The following DCC variants were observed in gnomAD, a reference collection of about 807,000 sequenced individuals.
The protein encoded by DCC is DCC netrin 1 receptor.
In DCC, 58 loss-of-function variants were observed where a neutral mutation model predicts 172.5. The observed-to-expected ratio is 0.34, with a 90% CI of 0.27 to 0.42. The LOEUF is 0.42. Ranked by LOEUF, DCC falls within the 10% of genes least tolerant of loss-of-function variation. DCC has a pLI of 1.00. For missense variants in DCC, 1,740 were observed against 1,791.0 expected, an observed-to-expected ratio of 0.97 and a Z score of 0.51; for synonymous variants, 709 against 644.5, an observed-to-expected ratio of 1.10 and a Z score of -1.52.
chr18:53,530,377 AT>A (rs1568190786), intron 28 of DCC, 186 bp from the exon 29 acceptor site: 1 of 704,410 alleles, frequency 1.4e-6, no homozygotes, highest in South Asian at 1.5e-5. Context: ...ACAATATGCA[AT>A]CTCTTATTAT....
chr18:52,825,774 A>G (rs7232655), intron 2 of DCC, among the ~76,000 whole-genome samples: 20,769 of 152,182 alleles, frequency 0.14, 3,355 homozygotes, highest in African/African-American at 0.4. Context: ...GTGAAAATCA[A>G]TATTTCTTTC....
At chr18:52,618,468 C>T (rs2034423860) in intron 1 of DCC, among the ~76,000 whole-genome samples, 1 of 152,156 alleles carries the variant, frequency 6.6e-6, no homozygotes, top group African/African-American at 2.4e-5. Context: ...CCCTAGCTGT[C>T]TCTGGGATCT....
chr18:53,489,358 ACACT>A (rs2045936336), intron 26 of DCC, among the ~76,000 whole-genome samples: 1 of 152,202 alleles, frequency 6.6e-6, no homozygotes, highest in Non-Finnish European at 1.5e-5. Context: ...AAAATAAATA[ACACT>A]CACCCTCCTT....
chr18:52,912,939 A>G (rs1439256040), intron 3 of DCC, among the ~76,000 whole-genome samples: 2 of 152,098 alleles, frequency 1.3e-5, no homozygotes, highest in Admixed American at 6.6e-5. Context: ...TCAAAAATCA[A>G]TTTTATGAAA....
At chr18:53,259,002 G>A (rs200151728) in intron 12 of DCC, among the ~76,000 whole-genome samples, 1 of 152,206 alleles carries the variant, frequency 6.6e-6, no homozygotes, top group South Asian at 2.1e-4. Context: ...TTGGTTTAAA[G>A]TCTGTTTTAT....
intron 1 of DCC, among the ~76,000 whole-genome samples, chr18:52,615,702 C>T (rs982645510): frequency 6.6e-6 from 1 of 151,924 alleles, no homozygotes; most frequent in Non-Finnish European, 1.5e-5. Flanking sequence ...GGTTAAGTAC[C>T]CAAAATTGAG....
chr18:52,869,993 C>A (rs2145380160), intron 2 of DCC, among the ~76,000 whole-genome samples: 1 of 152,260 alleles, frequency 6.6e-6, no homozygotes, highest in Non-Finnish European at 1.5e-5. Flanking sequence ...GGGGTGGGGG[C>A]TCCAGGTCCT....
chr18:52,355,304 C>G (rs1598856832), intron 1 of DCC, among the ~76,000 whole-genome samples: 1 of 152,044 alleles, frequency 6.6e-6, no homozygotes, highest in African/African-American at 2.4e-5. Flanking sequence ...TTGAGAAGAC[C>G]CTTTTCTACT....
At chr18:52,634,491 A>G (rs2034735632) in intron 1 of DCC, among the ~76,000 whole-genome samples, 1 of 152,196 alleles carries the variant, frequency 6.6e-6, no homozygotes, top group African/African-American at 2.4e-5. Context: ...AGTGGGAATG[A>G]TCTATTGTCA....
chr18:52,444,710 T>A (rs889786375), intron 1 of DCC, among the ~76,000 whole-genome samples: 5 of 152,182 alleles, frequency 3.3e-5, no homozygotes, highest in Non-Finnish European at 7.3e-5. Context: ...TTTAGAAATC[T>A]AATTTTTTTT....
intron 13 of DCC, among the ~76,000 whole-genome samples, chr18:53,316,108 T>G (rs1185331907): frequency 2.0e-5 from 3 of 152,222 alleles, no homozygotes; most frequent in Non-Finnish European, 4.4e-5. Context: ...AAGTCTTTAA[T>G]CCATCTTGAG....
chr18:52,984,700 C>G (rs1598998650), intron 5 of DCC, among the ~76,000 whole-genome samples: 1 of 152,116 alleles, frequency 6.6e-6, no homozygotes, highest in East Asian at 1.9e-4. Context: ...GAATTTAAAA[C>G]CAATAAACAA....
intron 1 of DCC, among the ~76,000 whole-genome samples, chr18:52,650,536 CTGTTTGTTTGTTTTGGTTT>C (rs1252703774): frequency 6.6e-6 from 1 of 151,460 alleles, no homozygotes; most frequent in Admixed American, 6.6e-5. Context: ...TTTTTTTTGT[CTGTTTGTTTGTTTTGGTTT>C]TGTTTGTTTG....
chr18:52,843,045 AT>A (rs1324146559), intron 2 of DCC, among the ~76,000 whole-genome samples: 1 of 152,180 alleles, frequency 6.6e-6, no homozygotes, highest in Non-Finnish European at 1.5e-5. Flanking sequence ...TCTGGTATTC[AT>A]GTGTAAGGTC....
At chr18:52,796,903 T>C (rs1416815113) in intron 2 of DCC, among the ~76,000 whole-genome samples, 1 of 152,190 alleles carries the variant, frequency 6.6e-6, no homozygotes, top group East Asian at 1.9e-4. Context: ...AAATAGGTTT[T>C]CTATGCCTTT....
chr18:52,583,341 A>G (rs2033596691), intron 1 of DCC, among the ~76,000 whole-genome samples: 1 of 152,208 alleles, frequency 6.6e-6, no homozygotes, highest in African/African-American at 2.4e-5. Context: ...AATACCCAGA[A>G]ATAAATCTGC....
intron 7 of DCC, among the ~76,000 whole-genome samples, chr18:53,075,543 AT>A (rs145928746): frequency 0.031 from 4,434 of 141,034 alleles, 138 homozygotes; most frequent in African/African-American, 0.086. Context: ...GTGTTATCCC[AT>A]TTTTTTTTTT....
At chr18:52,991,448 AG>A (rs1234688633) in intron 5 of DCC, among the ~76,000 whole-genome samples, 1 of 152,160 alleles carries the variant, frequency 6.6e-6, no homozygotes, top group Non-Finnish European at 1.5e-5. Flanking sequence ...GAGTAATAGC[AG>A]ATTTGGTTGA....
chr18:52,808,320 C>G (rs1456260024), intron 2 of DCC, among the ~76,000 whole-genome samples: 2 of 151,734 alleles, frequency 1.3e-5, no homozygotes, highest in Admixed American at 6.6e-5. Context: ...GATTTGACAT[C>G]TAAACCACTA....
Sources: allele counts gnomAD v4.1 joint callset (sites outside exome capture counted in the v4.1 genomes callset), GRCh38; gene constraint gnomAD v4.1.1; transcripts MANE v1.5; gene names NCBI Gene and HGNC (gene_info 2026-07-23, HGNC 2026-07-21).